Variants in IYD observed in about 807,000 individuals in gnomAD.
The protein encoded by IYD is iodotyrosine deiodinase 1.
IYD carries 25 observed loss-of-function variants against 28.4 expected under a neutral mutation model. That is an observed-to-expected ratio of 0.88 (90% CI 0.64 to 1.23). The LOEUF is 1.23. Among genes scored for constraint, IYD ranks in the 50% most tolerant of loss-of-function variants. The probability of loss-of-function intolerance (pLI) is 0.00; values close to 1 mark genes in which losing one functional copy is unlikely to be tolerated. For missense variants in IYD, 352 were observed against 357.9 expected (o/e 0.98, Z 0.13); for synonymous variants, 140 against 130.8 (o/e 1.07, Z -0.48).
Position 150,398,208 on chromosome 6 carries a change from C to A in IYD, c.841C>A (p.Pro281Thr). 6.2e-7 allele frequency: 1 copy of A among 1,614,146 alleles called. No individual in the cohort carries two copies. Among genetic ancestry groups the A allele is most frequent in the Non-Finnish European group, 8.5e-7 (1 of 1,180,022 alleles). Residue 281 changes from proline to threonine, a missense_variant, in exon 5 of 5, where the codon CCT (proline) becomes ACT (threonine). Pro to Thr is a conservative substitution (Grantham distance 38). Coordinates refer to ENST00000344419, the MANE Select transcript of IYD (RefSeq NM_203395.3). ...EATVPDLKRK[P>T]LDQIMVTV is the part of the protein sequence containing the mutation. ...CACGGTGCCTGACCTCAAGCGCAAA[C>A]CTCTGGACCAGATCATGGTGACAGT...
chr6:150,387,597 C>T (rs1464023176), intron 1 of IYD, among the ~76,000 whole-genome samples: 2 of 152,052 alleles, frequency 1.3e-5, no homozygotes, highest in Non-Finnish European at 2.9e-5. Flanking sequence ...ACTCTTCACT[C>T]TGCTCTATTT....
chr6:150,389,164 C>T (rs936993751), intron 1 of IYD, among the ~76,000 whole-genome samples, 188 bp from the exon 2 acceptor site: 2 of 152,130 alleles, frequency 1.3e-5, no homozygotes, highest in African/African-American at 2.4e-5. Flanking sequence ...GCCATTGCAC[C>T]CAGCTGGAGT....
At chr6:150,376,761 G>A (rs1777458397) in intron 1 of IYD, among the ~76,000 whole-genome samples, 1 of 151,970 alleles carries the variant, frequency 6.6e-6, no homozygotes, top group African/African-American at 2.4e-5. Context: ...GAGTAGCTAG[G>A]ACTACAGGCA....
At chr6:150,396,370 A>C (rs765883366) in intron 4 of IYD, 2 of 570,816 alleles carry the variant, frequency 3.5e-6, no homozygotes, top group African/African-American at 3.9e-5. Context: ...AGACCAAAGT[A>C]CTCACATCGA....
At chr6:150,389,110 T>A (rs1310770189) in intron 1 of IYD, among the ~76,000 whole-genome samples, 1 of 152,202 alleles carries the variant, frequency 6.6e-6, no homozygotes, top group East Asian at 1.9e-4. Context: ...GCTCAAGCGA[T>A]CCTCTCACCT....
intron 2 of IYD, 126 bp downstream of exon 2, chr6:150,389,669 T>G (rs1778037903): frequency 4.5e-6 from 4 of 888,126 alleles, no homozygotes; most frequent in Middle Eastern, 2.1e-4. Flanking sequence ...ATCTATAAAG[T>G]CTTACCCAAA....
At chr6:150,388,347 T>A (rs1472478317) in intron 1 of IYD, among the ~76,000 whole-genome samples, 1 of 152,210 alleles carries the variant, frequency 6.6e-6, no homozygotes, top group Non-Finnish European at 1.5e-5. Flanking sequence ...TTCAAATGTG[T>A]AGGGATTGGC....
chr6:150,385,410 A>G (rs1777823169), intron 1 of IYD, among the ~76,000 whole-genome samples: 1 of 152,088 alleles, frequency 6.6e-6, no homozygotes, highest in Non-Finnish European at 1.5e-5. Flanking sequence ...ATTTACTAAG[A>G]GATAAATGTC....
Position 150,369,124 on chromosome 6 carries a change from G to A in IYD, c.93G>A (p.Lys31=), listed in dbSNP as rs745605363. Residue 31 remains lysine, a synonymous_variant, in exon 1 of 5, where the codon AAG becomes AAA. Transcript: ENST00000344419. ...KNADRSMEKK[K]GEPRTRAEAR... The stretch of plus-strand genomic sequence containing the variant: ...CCGACAGAAGCATGGAGAAAAAGAA[G>A]GGGGAGCCTAGAACCAGGGCCGAAG... 1 of 1,613,958 alleles carries A rather than the reference G, an allele frequency of 6.2e-7. No homozygotes were observed.
chr6:150,389,692 G>T (rs1778039205), intron 2 of IYD, 149 bp downstream of exon 2: 4 of 716,852 alleles, frequency 5.6e-6, no homozygotes, highest in Non-Finnish European at 7.4e-6. Flanking sequence ...CTGAGTGAGT[G>T]CCAGAAACAC....
chr6:150,388,123 C>T (rs1049566849), intron 1 of IYD, among the ~76,000 whole-genome samples: 1 of 152,176 alleles, frequency 6.6e-6, no homozygotes, highest in Non-Finnish European at 1.5e-5. Flanking sequence ...TGCTAGACAA[C>T]TGGGGTACTT....
chr6:150,376,824 G>A (rs1777460822), intron 1 of IYD, among the ~76,000 whole-genome samples: 1 of 151,748 alleles, frequency 6.6e-6, no homozygotes, highest in Non-Finnish European at 1.5e-5. Context: ...GTCTCTCTAT[G>A]TTGCCCAGGC....
At chr6:150,392,657 C>A (rs979137443) in intron 3 of IYD, among the ~76,000 whole-genome samples, 153 bp downstream of exon 3, 1 of 152,168 alleles carries the variant, frequency 6.6e-6, no homozygotes, top group Non-Finnish European at 1.5e-5. Context: ...GGGCTCACTC[C>A]TGTATTGCCA....
At chr6:150,385,469 C>T (rs1305542472) in intron 1 of IYD, among the ~76,000 whole-genome samples, 1 of 146,404 alleles carries the variant, frequency 6.8e-6, no homozygotes, top group Non-Finnish European at 1.5e-5. Context: ...TTGTGGTTTA[C>T]GTTCTTCAGC....
rs1191725015 is a variant in IYD at position 150,382,217 on chromosome 6, G to A, written c.179-7135G>A. 2.6e-5 allele frequency among the ~76,000 whole-genome samples: 4 copies of A among 152,278 alleles called. No homozygotes were observed. In the South Asian group the frequency reaches 6.2e-4, roughly 24 times the overall value. ...AGGTCCAGCCATTATGGCCTAATCT[G>A]AGACAACTCTGATGGACAATTTTAG... On this transcript the variant is annotated intron_variant, in intron 1 of 4. Transcript: ENST00000344419.
intron 1 of IYD, among the ~76,000 whole-genome samples, chr6:150,369,692 C>T (rs1333669921): frequency 6.6e-6 from 1 of 152,180 alleles, no homozygotes; most frequent in African/African-American, 2.4e-5. Flanking sequence ...CAAGATGATA[C>T]ACTAGAATCA....
At chr6:150,395,506 A>T in intron 4 of IYD, 1 of 1,537,302 alleles carries the variant, frequency 6.5e-7, no homozygotes, top group Non-Finnish European at 8.7e-7. Flanking sequence ...CCGCCACCTG[A>T]TTGAGGGTCC....
intron 1 of IYD, among the ~76,000 whole-genome samples, chr6:150,385,462 T>C (rs974270285): frequency 2.0e-5 from 3 of 150,596 alleles, no homozygotes; most frequent in African/African-American, 4.9e-5. Flanking sequence ...ATGATTTTTG[T>C]GGTTTACGTT....
intron 1 of IYD, among the ~76,000 whole-genome samples, chr6:150,387,163 G>A (rs544303533): frequency 8.5e-5 from 13 of 152,170 alleles, no homozygotes; most frequent in African/African-American, 2.6e-4. Flanking sequence ...TGCAACTAAC[G>A]CAGCCCCTGA....
Sources: gnomAD v4.1 joint callset for allele counts (sites outside exome capture counted in the v4.1 genomes callset) on GRCh38, gnomAD v4.1.1 for gene constraint, MANE v1.5 for transcripts, NCBI Gene and HGNC (gene_info 2026-07-23, HGNC 2026-07-21) for gene names.